Variants in CAMTA1 observed in about 807,000 individuals in gnomAD.
CAMTA1 encodes calmodulin-binding transcription activator 1.
A neutral mutation model predicts 170.9 loss-of-function variants in CAMTA1; 27 were observed. That is an observed-to-expected ratio of 0.16 (90% CI 0.12 to 0.22). CAMTA1 has a LOEUF of 0.22. CAMTA1 is among the 10% of genes least tolerant of loss of function. The probability of loss-of-function intolerance (pLI) is 1.00; values close to 1 mark genes in which losing one functional copy is unlikely to be tolerated. For synonymous variants in CAMTA1, 833 were observed against 891.5 expected (o/e 0.93, Z 1.17); for missense variants, 1,619 against 2,217.2 (o/e 0.73, Z 5.42).
intron 4 of CAMTA1, among the ~76,000 whole-genome samples, chr1:7,151,452 C>T (rs1036650167): frequency 6.6e-6 from 1 of 152,162 alleles, no homozygotes; most frequent in Non-Finnish European, 1.5e-5. Flanking sequence ...CCCTGGTGAC[C>T]CCACCAGCTC....
intron 5 of CAMTA1, among the ~76,000 whole-genome samples, chr1:7,252,698 C>T (rs1339954713): frequency 6.6e-6 from 1 of 152,212 alleles, no homozygotes; most frequent in Non-Finnish European, 1.5e-5. Context: ...GCCAGCTACT[C>T]TTCTGCTGGT....
intron 5 of CAMTA1, among the ~76,000 whole-genome samples, chr1:7,387,290 G>T (rs1004751468): frequency 6.6e-6 from 1 of 151,890 alleles, no homozygotes; most frequent in African/African-American, 2.4e-5. Context: ...CCACCACCCA[G>T]TGACTGGCTT....
intron 4 of CAMTA1, among the ~76,000 whole-genome samples, chr1:7,134,468 AATT>A (rs113900869): frequency 1.3e-5 from 2 of 151,334 alleles, no homozygotes; most frequent in African/African-American, 2.4e-5. Flanking sequence ...TAATTAAACA[AATT>A]ATTATTATTA....
At position 7,738,591 on chromosome 1, in the gene CAMTA1, C is replaced by T. The variant is rs1415375285; in HGVS notation, c.4182+109C>T. On this transcript the variant is annotated intron_variant, in intron 16 of 22. Coordinates refer to ENST00000303635, the MANE Select transcript of CAMTA1 (RefSeq NM_015215.4). The surrounding 1 kb of genome is among the most constrained non-coding windows in gnomAD (Gnocchi z 4.9). ...GTCATTTTCCTCCCCGTGAAGCCTT[C>T]GAAGTTGGCTTTGTGCAGAACATCG... The T allele has an allele frequency of 2.4e-6, 3 of 1,259,316 alleles. No individual in the cohort carries two copies. The highest frequency in any genetic ancestry group is 3.0e-5 in the South Asian group (2 of 66,048). The allele number at this position is 1,259,316 out of a possible 1,614,324, so 78.0% of individuals were successfully genotyped here. A position where few individuals can be genotyped will look rare whatever the true frequency, so the allele number is the denominator to read the frequency against.
At chr1:7,053,585 A>G (rs1457758565) in intron 3 of CAMTA1, among the ~76,000 whole-genome samples, 1 of 151,758 alleles carries the variant, frequency 6.6e-6, no homozygotes, top group African/African-American at 2.4e-5. Flanking sequence ...CAGGATCTGC[A>G]CCCCCACCCG....
chr1:7,661,670 C>T (rs2095958997), intron 7 of CAMTA1, 56 bp from the exon 8 acceptor site: 2 of 1,604,180 alleles, frequency 1.2e-6, no homozygotes, highest in Admixed American at 3.4e-5. Context: ...TTGGCCCCAC[C>T]CAGGTCCCCT....
At position 7,670,803 on chromosome 1, in the gene CAMTA1, G is replaced by A. The variant is rs571508016; in HGVS notation, c.2653-108G>A. 103 of 1,261,606 alleles carry A rather than the reference G, an allele frequency of 8.2e-5. No individual in the cohort carries two copies. The African/African-American group carries it at 1.4e-3, about 17-fold the overall frequency. 78.2% of individuals were successfully genotyped at this position (1,261,606 alleles called of 1,614,324 possible). On this transcript the variant is annotated intron_variant, in intron 9 of 22. Transcript: ENST00000303635. ...GAGGGCCTGGGAATCTGCATGGGGC[G>A]AGGGGTACAGACCCCCATCTGAGCA...
At position 7,402,401 on chromosome 1, in the gene CAMTA1, G is replaced by T. The variant is rs574755835; in HGVS notation, c.439-65429G>T. ...GAGCCTTCCCTCCTCACCTTCTTCT[G>T]CTGCATGACATTACCCAGCACCTGT... On this transcript the variant is annotated intron_variant, in intron 5 of 22. Coordinates refer to ENST00000303635, the MANE Select transcript of CAMTA1 (RefSeq NM_015215.4). Among the ~76,000 whole-genome samples, 12 of 152,132 alleles carry T rather than the reference G, an allele frequency of 7.9e-5. No homozygotes were observed. The South Asian group carries it at 2.3e-3, about 29-fold the overall frequency.
At chr1:6,996,014 G>T (rs962428526) in intron 3 of CAMTA1, among the ~76,000 whole-genome samples, 2 of 152,214 alleles carry the variant, frequency 1.3e-5, no homozygotes, top group African/African-American at 4.8e-5. Context: ...TGTGGCGTGG[G>T]CTTCAGAATG....
At chr1:6,932,739 AAAT>A (rs1051234360) in intron 3 of CAMTA1, among the ~76,000 whole-genome samples, 4 of 152,236 alleles carry the variant, frequency 2.6e-5, no homozygotes, top group Admixed American at 2.0e-4. Context: ...TTTCTGTAGT[AAAT>A]AATGATGTTG....
chr1:6,940,206 T>C (rs903241376), intron 3 of CAMTA1, among the ~76,000 whole-genome samples: 1 of 152,208 alleles, frequency 6.6e-6, no homozygotes, highest in Non-Finnish European at 1.5e-5. Flanking sequence ...GCTCATGAGA[T>C]TATGGAGGCT....
At chr1:6,891,561 T>C (rs1286497671) in intron 3 of CAMTA1, among the ~76,000 whole-genome samples, 1 of 152,162 alleles carries the variant, frequency 6.6e-6, no homozygotes, top group Non-Finnish European at 1.5e-5. Flanking sequence ...TAAGGAAACA[T>C]GGGGTAGTCA....
intron 5 of CAMTA1, among the ~76,000 whole-genome samples, chr1:7,384,195 G>A (rs995912292): frequency 1.3e-5 from 2 of 152,262 alleles, no homozygotes; most frequent in Non-Finnish European, 2.9e-5. Context: ...AAAGATGGCT[G>A]TTGGCTCCAT....
intron 3 of CAMTA1, among the ~76,000 whole-genome samples, chr1:6,982,184 A>G (rs1694549315): frequency 6.6e-6 from 1 of 152,128 alleles, no homozygotes; most frequent in Non-Finnish European, 1.5e-5. Flanking sequence ...TTCTCCAGCT[A>G]GTTACACTGT....
intron 3 of CAMTA1, among the ~76,000 whole-genome samples, chr1:6,875,520 C>T (rs1669587929): frequency 1.3e-5 from 2 of 152,046 alleles, no homozygotes; most frequent in South Asian, 2.1e-4. Context: ...TTCCTGACCT[C>T]GTGATTTGTC....
chr1:7,037,762 C>T (rs10864268), intron 3 of CAMTA1, among the ~76,000 whole-genome samples: 24,067 of 151,064 alleles, frequency 0.16, 2,343 homozygotes, highest in African/African-American at 0.27. Flanking sequence ...GGCATGAACC[C>T]GGGAGGCGGA....
intron 3 of CAMTA1, among the ~76,000 whole-genome samples, chr1:6,849,872 TAA>T (rs34960230): frequency 0.15 from 22,999 of 151,242 alleles, 1,841 homozygotes; most frequent in East Asian, 0.29. Context: ...CCGTCTCTAC[TAA>T]AAATACAAAA....
intron 10 of CAMTA1, among the ~76,000 whole-genome samples, chr1:7,676,427 C>T (rs111809976): frequency 0.021 from 3,123 of 152,338 alleles, 112 homozygotes; most frequent in African/African-American, 0.07. Context: ...GCTGCCTTAA[C>T]ACATCCACCC....
chr1:7,193,312 A>T (rs1175650805), intron 4 of CAMTA1, among the ~76,000 whole-genome samples: 8 of 151,248 alleles, frequency 5.3e-5, no homozygotes, highest in Non-Finnish European at 1.5e-5. Flanking sequence ...AGATTGCACC[A>T]CTGTACTCCA....
Sources: allele counts gnomAD v4.1 joint callset (sites outside exome capture counted in the v4.1 genomes callset), GRCh38; gene constraint gnomAD v4.1.1; non-coding constraint Gnocchi (gnomAD v3.1); transcripts MANE v1.5; gene names NCBI Gene and HGNC (gene_info 2026-07-23, HGNC 2026-07-21).